The following SLC25A53 variants were observed in gnomAD, a reference collection of about 807,000 sequenced individuals.
The protein encoded by SLC25A53 is mitochondrial carrier triple repeat protein 6.
A neutral mutation model predicts 15.0 loss-of-function variants in SLC25A53; 5 were observed. The observed-to-expected ratio is 0.33, with a 90% CI of 0.17 to 0.70. The LOEUF (loss-of-function observed/expected upper bound fraction) is 0.70. Ranked by LOEUF, SLC25A53 falls within the 30% of genes least tolerant of loss-of-function variation. The pLI is 0.67. For missense variants in SLC25A53, 216 were observed against 241.6 expected (o/e 0.89, Z 0.70); for synonymous variants, 95 against 100.0 (o/e 0.95, Z 0.30).
intron 1 of SLC25A53, among the ~76,000 whole-genome samples, chrX:104,111,209 T>C (rs1422409867): frequency 2.9e-4 from 33 of 112,109 alleles, no homozygotes; most frequent in African/African-American, 1.1e-3. Context: ...CAAATCACAC[T>C]CTTCACCCCT....
chrX:104,134,108 G>T (rs2075431398), intron 1 of SLC25A53, among the ~76,000 whole-genome samples: 1 of 111,493 alleles, frequency 9.0e-6, no homozygotes, highest in Non-Finnish European at 1.9e-5. Flanking sequence ...TCACAGAGGG[G>T]TTCATTTCCA....
At chrX:104,136,239 G>T (rs969967006) in intron 1 of SLC25A53, among the ~76,000 whole-genome samples, 1 of 110,664 alleles carries the variant, frequency 9.0e-6, no homozygotes. Flanking sequence ...ACATAGTGCC[G>T]GAAGTCTCAA....
At chrX:104,140,501 C>G (rs782558457) in intron 1 of SLC25A53, among the ~76,000 whole-genome samples, 1 of 111,330 alleles carries the variant, frequency 9.0e-6, no homozygotes, top group South Asian at 3.8e-4. Context: ...CTAATCACCT[C>G]TTGCTCACTC....
Position 104,104,702 on chromosome X carries a change from T to C in SLC25A53, c.556A>G (p.Ser186Gly), listed in dbSNP as rs1285649587. Residue 186 changes from serine (S) to glycine (G), a missense_variant, in exon 2 of 2, where the codon AGC becomes GGC. Ser to Gly is a moderately conservative substitution (Grantham distance 56, BLOSUM62 0). Transcript: ENST00000594199. ...GAAAAATATAGAGCACTCCCCAGGCTGTTCCTGGCCAGGACAGGCCAGAAA... is the reference window on the plus strand; with the variant it reads ...GAAAAATATAGAGCACTCCCCAGGCCGTTCCTGGCCAGGACAGGCCAGAAA... ...RGFWPVLARNSLGSALYFSFK... is the reference protein window; with the variant it reads ...RGFWPVLARNGLGSALYFSFK... The C allele has an allele frequency of 3.3e-6, 4 of 1,209,545 alleles. No homozygotes were observed. Among genetic ancestry groups the C allele is most frequent in the Non-Finnish European group, 4.5e-6 (4 of 895,083 alleles).
intron 1 of SLC25A53, chrX:104,130,589 T>A (rs1432967656): frequency 9.0e-6 from 1 of 111,338 alleles, no homozygotes; most frequent in East Asian, 2.8e-4. Context: ...AGGCGAAGCA[T>A]CCCACTATCC....
intron 1 of SLC25A53, among the ~76,000 whole-genome samples, chrX:104,143,455 T>C (rs1197770361): frequency 3.6e-5 from 4 of 111,814 alleles, no homozygotes; most frequent in Non-Finnish European, 7.5e-5. Flanking sequence ...TCGTGAAGCA[T>C]ACACAAGTTT....
chrX:104,132,663 C>A (rs2075428401), intron 1 of SLC25A53, among the ~76,000 whole-genome samples: 1 of 111,722 alleles, frequency 9.0e-6, no homozygotes, highest in Admixed American at 9.6e-5. Flanking sequence ...TATTGACAAG[C>A]AACCCAAGGC....
chrX:104,150,586 C>A (rs2075481894), intron 1 of SLC25A53, among the ~76,000 whole-genome samples: 1 of 112,208 alleles, frequency 8.9e-6, no homozygotes, highest in Admixed American at 9.5e-5. Flanking sequence ...TTTGACTAAG[C>A]CATAAAAATG....
Position 104,105,124 on chromosome X carries a change from G to A in SLC25A53, c.134C>T (p.Thr45Ile). ...AVSNFMSTFL[T>I]FPIYKVVFRQ... is the part of the protein sequence containing the mutation. ...GAACACAACCTTATAGATAGGAAAG[G>A]TCAGAAAAGTAGACATAAAGTTGGA... The change falls in exon 2 of 2, where the codon ACC (threonine) becomes ATC (isoleucine). Residue 45 changes from threonine to isoleucine, a missense_variant. Thr to Ile is a moderately conservative substitution (Grantham distance 89). Coordinates refer to ENST00000594199, the MANE Select transcript of SLC25A53 (RefSeq NM_001012755.5). The A allele has an allele frequency of 8.2e-7, 1 of 1,212,163 alleles. No homozygotes were observed. The highest frequency in any genetic ancestry group is 1.1e-6 in the Non-Finnish European group (1 of 895,621).
chrX:104,105,391 G>A (rs782312236), intron 1 of SLC25A53, 103 bp from the exon 2 acceptor site: 153 of 506,179 alleles, frequency 3.0e-4, no homozygotes, highest in Admixed American at 1.3e-3. Flanking sequence ...TCAGGTCGAC[G>A]GAAACAAGCA....
intron 1 of SLC25A53, chrX:104,114,724 C>T (rs782761731): frequency 6.6e-6 from 8 of 1,211,652 alleles, no homozygotes; most frequent in Non-Finnish European, 8.9e-6. Flanking sequence ...TAAGCAGGAG[C>T]GGCTTCCCAA....
At chrX:104,138,656 G>T (rs67542132) in intron 1 of SLC25A53, among the ~76,000 whole-genome samples, 18,242 of 112,070 alleles carry the variant, frequency 0.16, 1,233 homozygotes, top group Non-Finnish European at 0.23. Flanking sequence ...CAGATCACAC[G>T]TGGGCTTGGA....
At chrX:104,140,683 G>A (rs1484012189) in intron 1 of SLC25A53, among the ~76,000 whole-genome samples, 1 of 111,142 alleles carries the variant, frequency 9.0e-6, no homozygotes, top group Non-Finnish European at 1.9e-5. Context: ...CCATCTCTGG[G>A]GAAAAAAATG....
intron 1 of SLC25A53, among the ~76,000 whole-genome samples, chrX:104,124,598 G>T (rs921470036): frequency 9.1e-6 from 1 of 109,468 alleles, no homozygotes; most frequent in Admixed American, 9.8e-5. Flanking sequence ...AAATAAAAAT[G>T]AAAAAATTAG....
chrX:104,139,084 T>G (rs2075444294), intron 1 of SLC25A53, among the ~76,000 whole-genome samples: 1 of 112,707 alleles, frequency 8.9e-6, no homozygotes, highest in African/African-American at 3.2e-5. Flanking sequence ...GGGACCACAC[T>G]CTTCCCTCCT....
chrX:104,100,927 C>T lies in SLC25A53; in HGVS notation c.*3407G>A, dbSNP rs1247461611. On this transcript the variant is annotated 3_prime_UTR_variant, in exon 2 of 2. Coordinates refer to ENST00000594199, the MANE Select transcript of SLC25A53 (RefSeq NM_001012755.5). ...TCCAATTCCATTCTGACACAATCTA[C>T]CTGGAGATAGCGTCATATCCCACAA... The T allele has an allele frequency of 9.0e-6, 1 of 111,146 alleles. No individual in the cohort carries two copies. The highest frequency in any genetic ancestry group is 1.9e-5 in the Non-Finnish European group (1 of 53,083). The allele number at this position is 111,146 out of a possible 1,213,427, so 9.2% of individuals were successfully genotyped here.
intron 1 of SLC25A53, among the ~76,000 whole-genome samples, chrX:104,144,548 C>T (rs2075460416): frequency 9.0e-6 from 1 of 111,676 alleles, no homozygotes; most frequent in Non-Finnish European, 1.9e-5. Flanking sequence ...GCATCGATCT[C>T]GCTGGGAGCT....
At chrX:104,154,822 T>C (rs1284733713) in intron 1 of SLC25A53, among the ~76,000 whole-genome samples, 1 of 111,952 alleles carries the variant, frequency 8.9e-6, no homozygotes, top group East Asian at 2.8e-4. Flanking sequence ...CAAAATTTCA[T>C]ATTCCAAAAG....
intron 1 of SLC25A53, chrX:104,114,657 T>C: frequency 4.1e-6 from 5 of 1,212,134 alleles, no homozygotes; most frequent in African/African-American, 1.7e-5. Context: ...TTTTAGGCGC[T>C]GAGCTGAATA....
Sources: gnomAD v4.1 joint callset for allele counts (sites outside exome capture counted in the v4.1 genomes callset) on GRCh38, gnomAD v4.1.1 for gene constraint, MANE v1.5 for transcripts, NCBI Gene and HGNC (gene_info 2026-07-23, HGNC 2026-07-21) for gene names.